BBS7: variants seen among roughly 807,000 people sequenced by gnomAD.
BBS7 encodes BBSome complex member BBS7.
In BBS7, 50 loss-of-function variants were observed where a neutral mutation model predicts 90.3. That is an observed-to-expected ratio of 0.55 (90% CI 0.44 to 0.70). The LOEUF (loss-of-function observed/expected upper bound fraction) is 0.70, where lower values mean the gene tolerates loss of function less well. Ranked by LOEUF, BBS7 falls within the 30% of genes least tolerant of loss-of-function variation. BBS7 has a pLI of 0.00. For synonymous variants in BBS7, 235 were observed against 287.4 expected (o/e 0.82, Z 1.85); for missense variants, 729 against 838.9 (o/e 0.87, Z 1.62).
At chr4:121,838,822 G>A (rs1001149175) in intron 13 of BBS7, among the ~76,000 whole-genome samples, 88 of 151,384 alleles carry the variant, frequency 5.8e-4, no homozygotes, top group African/African-American at 2.1e-3. Context: ...TTGAACCTGG[G>A]AAGTGGAGGA....
chr4:121,833,892 C>T (rs1725320648), intron 14 of BBS7, among the ~76,000 whole-genome samples: 1 of 151,914 alleles, frequency 6.6e-6, no homozygotes, highest in Non-Finnish European at 1.5e-5. Flanking sequence ...AACTACAAAA[C>T]ATACTTATAC....
chr4:121,825,705 T>C lies in BBS7; in HGVS notation c.*155A>G. 3.2e-6 allele frequency: 2 copies of C among 620,886 alleles called. No individual in the cohort carries two copies. Among genetic ancestry groups the C allele is most frequent in the East Asian group, 3.1e-5 (1 of 32,176 alleles). 38.5% of individuals were successfully genotyped at this position (620,886 alleles called of 1,614,324 possible). A position where few individuals can be genotyped will look rare whatever the true frequency, so the allele number is the denominator to read the frequency against. ...AGAAAGTTCAATTTGTCAAAAGAAA[T>C]AGAAGCATTACTTTAAAAAGCCATT... On this transcript the variant is annotated 3_prime_UTR_variant, in exon 19 of 19. Coordinates refer to ENST00000264499, the MANE Select transcript of BBS7 (RefSeq NM_176824.3).
chr4:121,869,563 C>A (rs146567265), intron 1 of BBS7, among the ~76,000 whole-genome samples: 2 of 152,226 alleles, frequency 1.3e-5, no homozygotes, highest in East Asian at 3.9e-4. Flanking sequence ...CCTTTCGAGA[C>A]AGTCTCGCTC....
Position 121,847,471 on chromosome 4 carries a change from T to C in BBS7, c.970A>G (p.Lys324Glu), listed in dbSNP as rs1178384559. The change falls in exon 10 of 19, where the codon AAG becomes GAG. Residue 324 changes from lysine to glutamate, a missense_variant. Transcript: ENST00000264499. ...VTGLTTEPIH[K>E]ESGPGEELKI... is the part of the protein sequence containing the mutation. Reference sequence around the variant, plus strand: ...AGTTCTTCTCCTGGTCCACTTTCCTTATGAATGGGCTCTGTTGTCAGACCT... The same window carrying C: ...AGTTCTTCTCCTGGTCCACTTTCCTCATGAATGGGCTCTGTTGTCAGACCT... 1 of 1,613,630 alleles carries C rather than the reference T, an allele frequency of 6.2e-7. No individual in the cohort carries two copies. The highest frequency in any genetic ancestry group is 2.2e-5 in the East Asian group (1 of 44,846).
intron 5 of BBS7, among the ~76,000 whole-genome samples, chr4:121,855,915 TATGTGTACATGTAC>T (rs1241946857): frequency 7.7e-6 from 1 of 129,212 alleles, no homozygotes; most frequent in Admixed American, 7.4e-5. Context: ...TATATGTATA[TATGTGTACATGTAC>T]ATGTGTATAT....
At chr4:121,855,880 A>C (rs1220196814) in intron 5 of BBS7, among the ~76,000 whole-genome samples, 1 of 143,482 alleles carries the variant, frequency 7.0e-6, no homozygotes, top group Non-Finnish European at 1.5e-5. Flanking sequence ...GTATATGTAC[A>C]TATATGTACA....
chr4:121,845,299 C>T (rs1426059771), intron 11 of BBS7, among the ~76,000 whole-genome samples: 4 of 151,810 alleles, frequency 2.6e-5, no homozygotes, highest in South Asian at 2.1e-4. Context: ...ACCTGGGAGT[C>T]GGAGGTTACA....
At position 121,847,505 on chromosome 4, in the gene BBS7, G is replaced by C. The variant is rs1397145739; in HGVS notation, c.936C>G (p.Gly312=). 1 of 1,604,884 alleles carries C rather than the reference G, an allele frequency of 6.2e-7. No individual in the cohort carries two copies. The highest frequency in any genetic ancestry group is 8.5e-7 in the Non-Finnish European group (1 of 1,171,910). ...YDEIVVSTYS[G]WVTGLTTEPI... Reference sequence around the variant, plus strand: ...GCTCTGTTGTCAGACCTGTAACCCAGCCTGTAGAGATGAATTACAATCACG... The same window carrying C: ...GCTCTGTTGTCAGACCTGTAACCCACCCTGTAGAGATGAATTACAATCACG... The change falls in exon 10 of 19, where the codon GGC becomes GGG. Residue 312 remains glycine (G), a splice_region_variant and synonymous_variant. Transcript: ENST00000264499.
Position 121,825,982 on chromosome 4 carries a change from C to T in BBS7, c.2026G>A (p.Asp676Asn). 1 of 1,599,338 alleles carries T rather than the reference C, an allele frequency of 6.3e-7. No individual in the cohort carries two copies. The highest frequency in any genetic ancestry group is 8.6e-7 in the Non-Finnish European group (1 of 1,167,934). ...AACTTAAATTTATCTATGAAAAGAT[C>T]AGTGATCATGCCTTTAAAGAAAAAA... The part of the protein sequence containing the change: ...HLERLYGMIT[D>N]LFIDKFKFKG... The change falls in exon 19 of 19, where the codon GAT (aspartate) becomes AAT (asparagine). Residue 676 changes from aspartate to asparagine, a missense_variant. Transcript: ENST00000264499.
chr4:121,863,947 G>A (rs1373326338), intron 2 of BBS7, among the ~76,000 whole-genome samples: 2 of 152,152 alleles, frequency 1.3e-5, no homozygotes, highest in African/African-American at 2.4e-5. Flanking sequence ...GGCCTGCTGG[G>A]TACCAGGCCA....
intron 13 of BBS7, among the ~76,000 whole-genome samples, chr4:121,837,994 C>G (rs1196149064): frequency 6.6e-6 from 1 of 151,700 alleles, no homozygotes; most frequent in African/African-American, 2.4e-5. Flanking sequence ...ATCCCAGCTA[C>G]TAGGGAGGCT....
chr4:121,862,743 T>C (rs79213275), intron 3 of BBS7, among the ~76,000 whole-genome samples: 2,237 of 152,250 alleles, frequency 0.015, 75 homozygotes, highest in African/African-American at 0.051. Context: ...CCTCAAGGAA[T>C]TGAGAGCAGC....
chr4:121,863,095 A>G (rs1446506996), intron 3 of BBS7, 122 bp downstream of exon 3: 1 of 903,204 alleles, frequency 1.1e-6, no homozygotes, highest in East Asian at 2.4e-5. Flanking sequence ...TCACATAACT[A>G]CTTACCTCAG....
chr4:121,870,209 G>A (rs1466424258), intron 1 of BBS7, 69 bp downstream of exon 1: 1 of 1,599,976 alleles, frequency 6.3e-7, no homozygotes, highest in Admixed American at 1.7e-5. Flanking sequence ...TTTCGTCAGT[G>A]GAAGGAAGGA....
chr4:121,843,439 A>T (rs1229213044), intron 12 of BBS7, among the ~76,000 whole-genome samples: 1 of 152,208 alleles, frequency 6.6e-6, no homozygotes, highest in African/African-American at 2.4e-5. Flanking sequence ...AAGTGGAAGT[A>T]TGAAAGCCAT....
At chr4:121,858,188 T>C (rs1726785297) in intron 5 of BBS7, among the ~76,000 whole-genome samples, 2 of 152,204 alleles carry the variant, frequency 1.3e-5, no homozygotes, top group Admixed American at 1.3e-4. Context: ...ACAAAAGGGC[T>C]GATGCCAAGA....
chr4:121,853,142 A>G, intron 7 of BBS7, 56 bp from the exon 8 acceptor site: 11 of 1,575,272 alleles, frequency 7.0e-6, no homozygotes, highest in Non-Finnish European at 8.7e-6. Flanking sequence ...ATGGTCAAGT[A>G]TATGCCAAGT....
At position 121,858,788 on chromosome 4, in the gene BBS7, C is replaced by T. The variant is rs1260459410; in HGVS notation, c.528+204G>A. 9.1e-6 allele frequency: 5 copies of T among 549,320 alleles called. No individual in the cohort carries two copies. In the South Asian group the frequency reaches 1.0e-4, roughly 11 times the overall value. The allele number at this position is 549,320 out of a possible 1,614,324, so 34.0% of individuals were successfully genotyped here. A position where few individuals can be genotyped will look rare whatever the true frequency, so the allele number is the denominator to read the frequency against. ...TGAGGCAAAAAAAATCCTTTTTCTT[C>T]CAAATATGCTTCTCTTAAAAACTTA... On this transcript the variant is annotated intron_variant, in intron 5 of 18. Coordinates refer to ENST00000264499, the MANE Select transcript of BBS7 (RefSeq NM_176824.3).
intron 4 of BBS7, among the ~76,000 whole-genome samples, chr4:121,859,639 C>T (rs1726870833): frequency 6.6e-6 from 1 of 151,990 alleles, no homozygotes; most frequent in African/African-American, 2.4e-5. Context: ...CTAATGGCAC[C>T]TAAGTATTAA....
Sources: gnomAD v4.1 joint callset for allele counts (sites outside exome capture counted in the v4.1 genomes callset) on GRCh38, gnomAD v4.1.1 for gene constraint, MANE v1.5 for transcripts, NCBI Gene and HGNC (gene_info 2026-07-23, HGNC 2026-07-21) for gene names.